RIMBP2: variants seen among roughly 807,000 people sequenced by gnomAD.
The protein encoded by RIMBP2 is RIMS-binding protein 2.
A neutral mutation model predicts 118.6 loss-of-function variants in RIMBP2; 48 were observed. The ratio of observed to expected loss-of-function variants is 0.40; its 90% CI spans 0.32 to 0.51. The LOEUF (loss-of-function observed/expected upper bound fraction) is 0.51, where lower values mean the gene tolerates loss of function less well. Among genes scored for constraint, RIMBP2 ranks in the 20% least tolerant of loss-of-function variants. The pLI, the probability that RIMBP2 is intolerant of heterozygous loss-of-function variation, is 0.41. For missense variants in RIMBP2, 1,551 were observed against 1,768.3 expected (o/e 0.88, Z 2.20); for synonymous variants, 762 against 742.9 (o/e 1.03, Z -0.42).
intron 2 of RIMBP2, among the ~76,000 whole-genome samples, chr12:130,547,252 AC>A (rs2055270336): frequency 6.6e-6 from 1 of 152,240 alleles, no homozygotes; most frequent in African/African-American, 2.4e-5. Flanking sequence ...GCATACGCTC[AC>A]ACAGAAAGAG....
intron 2 of RIMBP2, among the ~76,000 whole-genome samples, chr12:130,602,284 C>G (rs939445909): frequency 6.6e-6 from 1 of 152,208 alleles, no homozygotes; most frequent in African/African-American, 2.4e-5. Context: ...GAAGACGACA[C>G]AGGCACTCTG....
At chr12:130,407,561 G>A (rs931519551) in intron 20 of RIMBP2, among the ~76,000 whole-genome samples, 165 bp downstream of exon 20, 11 of 152,194 alleles carry the variant, frequency 7.2e-5, no homozygotes, top group African/African-American at 1.4e-4. Context: ...TCTCTCCTGC[G>A]TGGCCATGTC....
At chr12:130,399,235 G>T (rs2074296343) in intron 22 of RIMBP2, 2 of 845,446 alleles carry the variant, frequency 2.4e-6, no homozygotes, top group African/African-American at 1.8e-5. Context: ...TTGCAGTGAT[G>T]AAATAAAATA....
At chr12:130,684,096 GCAT>G (rs2064935847) in intron 1 of RIMBP2, among the ~76,000 whole-genome samples, 1 of 152,110 alleles carries the variant, frequency 6.6e-6, no homozygotes, top group Non-Finnish European at 1.5e-5. Flanking sequence ...GGCTGCATCT[GCAT>G]CATAAGAACC....
In RIMBP2 at chr12:130,469,984, T is replaced by C. The variant is rs895317659; in HGVS notation, c.153+709A>G. ...GAGGGGGACCCCATAGCCCTCCCTG[T>C]CTGCCTGGCTACTCACTCCCAAGGA... On this transcript the variant is annotated intron_variant, in intron 6 of 22. Transcript: ENST00000690449. The surrounding 1 kb of genome is among the most constrained non-coding windows in gnomAD (Gnocchi z 4.8). Among the ~76,000 whole-genome samples the C allele has an allele frequency of 6.6e-5, 10 of 152,182 alleles. No individual in the cohort carries two copies. Among genetic ancestry groups the C allele is most frequent in the Non-Finnish European group, 1.3e-4 (9 of 68,036 alleles).
At chr12:130,476,025 G>T (rs1296105123) in intron 5 of RIMBP2, among the ~76,000 whole-genome samples, 2 of 152,078 alleles carry the variant, frequency 1.3e-5, no homozygotes, top group Non-Finnish European at 2.9e-5. Context: ...TCTATGTGAG[G>T]TCATGAGACA....
At chr12:130,692,881 T>A (rs1593018084) in intron 1 of RIMBP2, among the ~76,000 whole-genome samples, 1 of 140,672 alleles carries the variant, frequency 7.1e-6, no homozygotes, top group Non-Finnish European at 1.5e-5. Context: ...TAGGGTAGGG[T>A]AGGGTAGGGT....
rs561180373 is a variant in RIMBP2 at position 130,510,721 on chromosome 12, G to A, written c.-126-3951C>T. 1.6e-4 allele frequency among the ~76,000 whole-genome samples: 24 copies of A among 152,236 alleles called. No homozygotes were observed. In the South Asian group the frequency reaches 3.5e-3, roughly 22 times the overall value. On this transcript the variant is annotated intron_variant, in intron 3 of 22. Coordinates refer to ENST00000690449, the MANE Select transcript of RIMBP2 (RefSeq NM_001393629.1). ...TGACCTCAAGTGATCTGCCCACTTC[G>A]GCCTCCCGAAGTGCTGGAATTACAG...
At chr12:130,587,747 T>C (rs2058999765) in intron 2 of RIMBP2, among the ~76,000 whole-genome samples, 1 of 127,854 alleles carries the variant, frequency 7.8e-6, no homozygotes, top group Non-Finnish European at 1.6e-5. Flanking sequence ...AGTTAGTGGG[T>C]GCAGCGCACC....
rs777097560 is a variant in RIMBP2, at chr12:130,604,582, C to CTTTTTTTTTTTTTT, written c.-217+23739_-217+23740insAAAAAAAAAAAAAA. Among the ~76,000 whole-genome samples the CTTTTTTTTTTTTTT allele has an allele frequency of 6.7e-4, 45 of 67,260 alleles. 6 individuals are homozygous for CTTTTTTTTTTTTTT. The highest frequency in any genetic ancestry group is 1.9e-3 in the Admixed American group (9 of 4,710). The allele number at this position is 67,260 out of a possible 152,430, so 44.1% of individuals were successfully genotyped here. ...AGTGCCCTATACAGATGCCCCTTTT[C>CTTTTTTTTTTTTTT]TTTCTTTTTTTTTTTTTTTGAGACA... On this transcript the variant is annotated intron_variant, in intron 2 of 22. Coordinates refer to ENST00000690449, the MANE Select transcript of RIMBP2 (RefSeq NM_001393629.1).
At chr12:130,520,824 A>C (rs1348609303) in intron 2 of RIMBP2, among the ~76,000 whole-genome samples, 3 of 152,348 alleles carry the variant, frequency 2.0e-5, no homozygotes, top group Non-Finnish European at 4.4e-5. Context: ...AGTGACACAG[A>C]CAGCCAGGTA....
chr12:130,635,584 C>T (rs1229575428), intron 1 of RIMBP2, among the ~76,000 whole-genome samples: 1 of 152,156 alleles, frequency 6.6e-6, no homozygotes, highest in Non-Finnish European at 1.5e-5. Flanking sequence ...GGTCACTGCA[C>T]ATCAGCAGGA....
intron 9 of RIMBP2, among the ~76,000 whole-genome samples, chr12:130,448,289 C>A (rs2078707967): frequency 6.6e-6 from 1 of 152,190 alleles, no homozygotes; most frequent in African/African-American, 2.4e-5. Context: ...TGGGTCAGTC[C>A]TCGGGGGACA....
intron 21 of RIMBP2, among the ~76,000 whole-genome samples, chr12:130,400,140 G>A (rs1017289431): frequency 6.6e-6 from 1 of 152,060 alleles, no homozygotes; most frequent in African/African-American, 2.4e-5. Context: ...GTGGTTCTCG[G>A]GCCTGGCTGA....
At chr12:130,495,813 A>G (rs2049094656) in intron 4 of RIMBP2, among the ~76,000 whole-genome samples, 1 of 152,194 alleles carries the variant, frequency 6.6e-6, no homozygotes, top group African/African-American at 2.4e-5. Flanking sequence ...ACATCTAGAA[A>G]GGTACTTTAT....
At chr12:130,602,743 C>T (rs1189132661) in intron 2 of RIMBP2, among the ~76,000 whole-genome samples, 1 of 152,214 alleles carries the variant, frequency 6.6e-6, no homozygotes, top group East Asian at 1.9e-4. Flanking sequence ...GGTTCTGTTG[C>T]ACCATATTGT....
At chr12:130,439,334 T>C (rs932829026) in intron 11 of RIMBP2, among the ~76,000 whole-genome samples, 37 of 151,278 alleles carry the variant, frequency 2.4e-4, no homozygotes, top group Admixed American at 2.4e-3. Context: ...TGTAAGTGTA[T>C]GTATGTGTGT....
At chr12:130,445,138 A>G (rs1290017579) in intron 10 of RIMBP2, 22 bp downstream of exon 10, 1 of 1,528,944 alleles carries the variant, frequency 6.5e-7, no homozygotes, top group African/African-American at 1.4e-5. Flanking sequence ...TACGTCCGCC[A>G]CAGCCATGTT....
intron 4 of RIMBP2, among the ~76,000 whole-genome samples, chr12:130,488,532 C>A (rs571148257): frequency 3.3e-5 from 5 of 152,240 alleles, no homozygotes; most frequent in Non-Finnish European, 5.9e-5. Context: ...ATCCATCCAT[C>A]CTGGCATGAG....
Sources: allele counts gnomAD v4.1 joint callset (sites outside exome capture counted in the v4.1 genomes callset), GRCh38; gene constraint gnomAD v4.1.1; non-coding constraint Gnocchi (gnomAD v3.1); transcripts MANE v1.5; gene names NCBI Gene and HGNC (gene_info 2026-07-23, HGNC 2026-07-21).